The following FAAH2 variants were observed in gnomAD, a reference collection of about 807,000 sequenced individuals.
FAAH2 encodes fatty-acid amide hydrolase 2.
FAAH2 carries 60 observed loss-of-function variants against 36.9 expected under a neutral mutation model. That is an observed-to-expected ratio of 1.63 (90% CI 1.32 to 2.02). The LOEUF (loss-of-function observed/expected upper bound fraction) is 2.02. FAAH2 is among the 30% of genes most tolerant of loss of function. The pLI is 0.00. For missense variants in FAAH2, 689 were observed against 397.5 expected (o/e 1.73, Z -6.23); for synonymous variants, 214 against 143.8 (o/e 1.49, Z -3.49).
intron 5 of FAAH2, among the ~76,000 whole-genome samples, chrX:57,355,965 T>C (rs745585948): frequency 1.8e-5 from 2 of 111,465 alleles, no homozygotes; most frequent in South Asian, 7.4e-4. Flanking sequence ...TTGTCTATTC[T>C]TTATTTGTTG....
At chrX:57,270,565 C>A in the FAAH2 span, among the ~76,000 whole-genome samples, 2 of 111,669 alleles carry the variant, frequency 1.8e-5, no homozygotes, top group African/African-American at 3.3e-5. Flanking sequence ...AGGAAAAACA[C>A]CTGTGTGCAG....
intron 2 of FAAH2, among the ~76,000 whole-genome samples, chrX:57,299,910 G>A (rs2146834259): frequency 9.0e-6 from 1 of 111,157 alleles, no homozygotes; most frequent in East Asian, 2.8e-4. Flanking sequence ...GGATGTGAAG[G>A]ACCTCTTCAA....
chrX:57,389,288 A>ATG (rs1555993996), intron 7 of FAAH2, among the ~76,000 whole-genome samples: 4 of 60,788 alleles, frequency 6.6e-5, no homozygotes, highest in Non-Finnish European at 1.2e-4. Flanking sequence ...CTACACACAC[A>ATG]CACACATATA....
chrX:57,175,156 T>C, the FAAH2 span, among the ~76,000 whole-genome samples: 1 of 111,745 alleles, frequency 8.9e-6, no homozygotes. Context: ...ATCTGTCTCT[T>C]GTTGTCAGTG....
chrX:57,187,144 A>G, the FAAH2 span, among the ~76,000 whole-genome samples: 1 of 111,577 alleles, frequency 9.0e-6, no homozygotes, highest in Non-Finnish European at 1.9e-5. Flanking sequence ...AAATCTATAA[A>G]TCATTTTGAG....
intron 7 of FAAH2, among the ~76,000 whole-genome samples, chrX:57,419,836 G>GT (rs1303502679): frequency 1.8e-5 from 2 of 111,694 alleles, no homozygotes; most frequent in Non-Finnish European, 3.8e-5. Flanking sequence ...TTCTTCTAGG[G>GT]TTTTTATGGT....
chrX:57,259,497 G>A, the FAAH2 span, among the ~76,000 whole-genome samples: 4 of 111,809 alleles, frequency 3.6e-5, no homozygotes, highest in Non-Finnish European at 3.8e-5. Flanking sequence ...TGAACCTGAT[G>A]GACTTTATGC....
chrX:57,185,001 C>T, the FAAH2 span, among the ~76,000 whole-genome samples: 16 of 110,956 alleles, frequency 1.4e-4, no homozygotes, highest in South Asian at 1.1e-3. Context: ...TGAGATGTTT[C>T]GATACAGGCG....
chrX:57,460,658 A>G (rs1445156363), intron 10 of FAAH2, among the ~76,000 whole-genome samples: 1 of 112,047 alleles, frequency 8.9e-6, no homozygotes, highest in East Asian at 2.8e-4. Context: ...AAATCACTAA[A>G]TATGGAAAGG....
At position 57,483,778 on chromosome X, in the gene FAAH2, C is replaced by CT. The variant is rs755609992; in HGVS notation, c.1424-4947dup. ...CCTATTTCCTGTGCACTGGGGGCAA[C>CT]TTTTTTTTTTTTTTTTTTTTTTTTT... On this transcript the variant is annotated intron_variant, in intron 10 of 10. Coordinates refer to ENST00000374900, the MANE Select transcript of FAAH2 (RefSeq NM_174912.4). 5.4e-4 allele frequency among the ~76,000 whole-genome samples: 21 copies of CT among 38,870 alleles called. 2 individuals are homozygous for CT. The highest frequency in any genetic ancestry group is 2.7e-3 in the African/African-American group (20 of 7,279). The allele number at this position is 38,870 out of a possible 115,157, so 33.8% of individuals were successfully genotyped here.
chrX:57,323,682 G>GT (rs141756561), intron 3 of FAAH2, among the ~76,000 whole-genome samples: 872 of 63,446 alleles, frequency 0.014, 20 homozygotes, highest in African/African-American at 0.033. Context: ...TGATGGGGTT[G>GT]TTTTTTTTTT....
the FAAH2 span, among the ~76,000 whole-genome samples, chrX:57,169,937 T>C: frequency 4.6e-5 from 5 of 109,831 alleles, no homozygotes; most frequent in Admixed American, 3.9e-4. Flanking sequence ...TATGAATAGA[T>C]TCATGAACTA....
At chrX:57,213,915 G>A in the FAAH2 span, among the ~76,000 whole-genome samples, 2 of 111,506 alleles carry the variant, frequency 1.8e-5, no homozygotes, top group South Asian at 7.5e-4. Context: ...CTGTCAATGA[G>A]GTGTTGAAGT....
chrX:57,208,641 G>A, the FAAH2 span, among the ~76,000 whole-genome samples: 3 of 111,435 alleles, frequency 2.7e-5, no homozygotes, highest in African/African-American at 9.8e-5. Context: ...GGAAATCAGG[G>A]GTCTCACAAC....
chrX:57,381,569 G>A, intron 7 of FAAH2: 7 of 674,999 alleles, frequency 1.0e-5, no homozygotes, highest in Non-Finnish European at 1.2e-5. Flanking sequence ...GGAAGCAATG[G>A]AAGACAAAGA....
At chrX:57,391,148 GT>G (rs1408213647) in intron 7 of FAAH2, among the ~76,000 whole-genome samples, 1 of 110,407 alleles carries the variant, frequency 9.1e-6, no homozygotes, top group East Asian at 2.8e-4. Context: ...GTCTATTCAT[GT>G]TTTTTGCTCA....
chrX:57,269,531 G>T, the FAAH2 span, among the ~76,000 whole-genome samples: 1 of 111,491 alleles, frequency 9.0e-6, no homozygotes, highest in African/African-American at 3.3e-5. Flanking sequence ...ATAGTCTCTA[G>T]GACTATGGTG....
rs1483734968 is a variant in FAAH2, at chrX:57,286,742, C to T, written c.-84C>T. 4.4e-6 allele frequency: 4 copies of T among 902,556 alleles called. No individual in the cohort carries two copies. Among genetic ancestry groups the T allele is most frequent in the Non-Finnish European group, 5.7e-6 (4 of 697,986 alleles). The allele number at this position is 902,556 out of a possible 1,213,427, so 74.4% of individuals were successfully genotyped here. A position where few individuals can be genotyped will look rare whatever the true frequency, so the allele number is the denominator to read the frequency against. Reference sequence around the variant, plus strand: ...TTGTAAACGAAAAGCTTCATAAGTCCCTCTTTGCTTAGTACTTTTCTCGTC... The same window carrying T: ...TTGTAAACGAAAAGCTTCATAAGTCTCTCTTTGCTTAGTACTTTTCTCGTC... On this transcript the variant is annotated 5_prime_UTR_variant, in exon 1 of 11. Coordinates refer to ENST00000374900, the MANE Select transcript of FAAH2 (RefSeq NM_174912.4).
the FAAH2 span, among the ~76,000 whole-genome samples, chrX:57,195,691 G>T: frequency 8.9e-6 from 1 of 112,005 alleles, no homozygotes; most frequent in African/African-American, 3.2e-5. Context: ...CCAATGTCTA[G>T]AAAAGGTTTT....
Sources: gnomAD v4.1 joint callset for allele counts (sites outside exome capture counted in the v4.1 genomes callset) on GRCh38, gnomAD v4.1.1 for gene constraint, MANE v1.5 for transcripts, NCBI Gene and HGNC (gene_info 2026-07-23, HGNC 2026-07-21) for gene names.